EXOC6B: variants seen among roughly 807,000 people sequenced by gnomAD.
EXOC6B encodes the protein exocyst complex component 6B.
EXOC6B carries 54 observed loss-of-function variants against 113.5 expected under a neutral mutation model. That is an observed-to-expected ratio of 0.48 (90% CI 0.38 to 0.60). The LOEUF (loss-of-function observed/expected upper bound fraction) is 0.60, where lower values mean the gene tolerates loss of function less well. Ranked by LOEUF, EXOC6B falls within the 20% of genes least tolerant of loss-of-function variation. EXOC6B has a pLI of 0.00. For synonymous variants in EXOC6B, 357 were observed against 339.0 expected, an observed-to-expected ratio of 1.05 and a Z score of -0.58; for missense variants, 797 against 977.5, an observed-to-expected ratio of 0.82 and a Z score of 2.46.
chr2:72,316,205 C>T (rs937041821), intron 20 of EXOC6B, among the ~76,000 whole-genome samples: 12 of 152,142 alleles, frequency 7.9e-5, no homozygotes, highest in African/African-American at 2.9e-4. Flanking sequence ...CACTTGAACC[C>T]AGGTGCTCAC....
intron 20 of EXOC6B, among the ~76,000 whole-genome samples, chr2:72,320,114 C>T (rs1302875897): frequency 1.3e-5 from 2 of 151,342 alleles, no homozygotes; most frequent in Admixed American, 6.6e-5. Flanking sequence ...GGATTACAGG[C>T]GTGAGCCACC....
At chr2:72,794,758 C>T (rs768100982) in intron 1 of EXOC6B, among the ~76,000 whole-genome samples, 33 of 152,018 alleles carry the variant, frequency 2.2e-4, no homozygotes, top group Admixed American at 1.3e-4. Flanking sequence ...ATTGCTAAAA[C>T]AGAAATACAT....
intron 6 of EXOC6B, among the ~76,000 whole-genome samples, chr2:72,684,924 T>A (rs575342821): frequency 6.6e-6 from 1 of 152,212 alleles, no homozygotes; most frequent in Admixed American, 6.5e-5. Flanking sequence ...GGGTTTAGGT[T>A]AAGCATTTGT....
At chr2:72,435,804 G>A (rs778215210) in intron 18 of EXOC6B, among the ~76,000 whole-genome samples, 3 of 151,764 alleles carry the variant, frequency 2.0e-5, no homozygotes, top group Non-Finnish European at 4.4e-5. Context: ...TTGCACGTGA[G>A]ATGGATCTCC....
intron 20 of EXOC6B, among the ~76,000 whole-genome samples, chr2:72,221,496 C>A (rs956781698): frequency 1.3e-5 from 2 of 152,190 alleles, no homozygotes; most frequent in East Asian, 3.9e-4. Context: ...TCCCCATACT[C>A]TCCAATCCCT....
At chr2:72,319,507 T>TA (rs1478846053) in intron 20 of EXOC6B, among the ~76,000 whole-genome samples, 2 of 152,128 alleles carry the variant, frequency 1.3e-5, no homozygotes, top group Non-Finnish European at 2.9e-5. Context: ...CAAAAATGTA[T>TA]AAAAAACCAC....
At chr2:72,626,816 T>A (rs1020132146) in intron 6 of EXOC6B, among the ~76,000 whole-genome samples, 1 of 151,730 alleles carries the variant, frequency 6.6e-6, no homozygotes, top group African/African-American at 2.4e-5. Context: ...AACCCCTTTT[T>A]TGTTTTTATA....
intron 18 of EXOC6B, among the ~76,000 whole-genome samples, chr2:72,441,764 C>G (rs564184584): frequency 1.2e-3 from 181 of 152,084 alleles, no homozygotes; most frequent in Middle Eastern, 3.4e-3. Context: ...AACCACCCCC[C>G]GCCCAACAAA....
At chr2:72,420,451 T>C (rs950218619) in intron 18 of EXOC6B, among the ~76,000 whole-genome samples, 2 of 152,174 alleles carry the variant, frequency 1.3e-5, no homozygotes, top group South Asian at 4.1e-4. Flanking sequence ...TGTGTTCTCA[T>C]TGTTCACCTC....
At chr2:72,454,587 G>A (rs759290507) in intron 18 of EXOC6B, among the ~76,000 whole-genome samples, 19 of 152,148 alleles carry the variant, frequency 1.2e-4, no homozygotes, top group Non-Finnish European at 2.5e-4. Flanking sequence ...TTTGCAGTAT[G>A]TTAAATTCTA....
At chr2:72,279,924 A>C (rs1685032032) in intron 20 of EXOC6B, among the ~76,000 whole-genome samples, 1 of 152,004 alleles carries the variant, frequency 6.6e-6, no homozygotes, top group Non-Finnish European at 1.5e-5. Context: ...TTATAGGCTA[A>C]ATTTAGATAA....
intron 19 of EXOC6B, among the ~76,000 whole-genome samples, chr2:72,345,684 G>GA (rs1456560663): frequency 1.3e-5 from 2 of 152,044 alleles, no homozygotes; most frequent in Non-Finnish European, 2.9e-5. Flanking sequence ...GAAAGGGAGG[G>GA]ATGAATAGGT....
At chr2:72,678,175 CT>C (rs2104530927) in intron 6 of EXOC6B, among the ~76,000 whole-genome samples, 1 of 152,308 alleles carries the variant, frequency 6.6e-6, no homozygotes, top group South Asian at 2.1e-4. Flanking sequence ...AATGTTTTAT[CT>C]TCACTTGAAA....
At chr2:72,240,001 A>T (rs1682204698) in intron 20 of EXOC6B, among the ~76,000 whole-genome samples, 1 of 152,140 alleles carries the variant, frequency 6.6e-6, no homozygotes, top group African/African-American at 2.4e-5. Context: ...TTTCTGTATA[A>T]TATACCAAGG....
chr2:72,314,502 A>G (rs2104803868), intron 20 of EXOC6B, among the ~76,000 whole-genome samples: 1 of 152,296 alleles, frequency 6.6e-6, no homozygotes, highest in South Asian at 2.1e-4. Context: ...CACCTGGCTC[A>G]TAGTTTTTCT....
intron 1 of EXOC6B, among the ~76,000 whole-genome samples, chr2:72,788,801 C>T (rs917341654): frequency 1.3e-5 from 2 of 152,104 alleles, no homozygotes; most frequent in Non-Finnish European, 2.9e-5. Flanking sequence ...AAAAGGGGGG[C>T]GACCCTGTCT....
At chr2:72,550,010 A>G (rs1703121202) in intron 8 of EXOC6B, among the ~76,000 whole-genome samples, 1 of 152,186 alleles carries the variant, frequency 6.6e-6, no homozygotes, top group Non-Finnish European at 1.5e-5. Context: ...ATAAATATAC[A>G]GGGTTGATGA....
intron 18 of EXOC6B, among the ~76,000 whole-genome samples, chr2:72,405,982 G>C (rs1693727291): frequency 6.6e-6 from 1 of 152,164 alleles, no homozygotes; most frequent in African/African-American, 2.4e-5. Context: ...GACACAGATA[G>C]GCTCAAAATA....
At chr2:72,233,959 A>C (rs1174977662) in intron 20 of EXOC6B, among the ~76,000 whole-genome samples, 1 of 150,818 alleles carries the variant, frequency 6.6e-6, no homozygotes, top group East Asian at 2.0e-4. Context: ...CCCAGGAAGC[A>C]CTCGGATGGT....
Sources: allele counts gnomAD v4.1 joint callset (sites outside exome capture counted in the v4.1 genomes callset), GRCh38; gene constraint gnomAD v4.1.1; transcripts MANE v1.5; gene names NCBI Gene and HGNC (gene_info 2026-07-23, HGNC 2026-07-21).